The following SGMS1 variants were observed in gnomAD, a reference collection of about 807,000 sequenced individuals.
SGMS1 encodes sphingomyelin synthase 1.
SGMS1 carries 13 observed loss-of-function variants against 46.2 expected under a neutral mutation model. The ratio of observed to expected loss-of-function variants is 0.28; its 90% confidence interval spans 0.18 to 0.45. The LOEUF (loss-of-function observed/expected upper bound fraction) is 0.45. Ranked by LOEUF, SGMS1 falls within the 20% of genes least tolerant of loss-of-function variation. The pLI is 1.00. For synonymous variants in SGMS1, 203 were observed against 187.8 expected, an observed-to-expected ratio of 1.08 and a Z score of -0.66; for missense variants, 324 against 519.9, an observed-to-expected ratio of 0.62 and a Z score of 3.66.
intron 2 of SGMS1, among the ~76,000 whole-genome samples, chr10:50,585,367 T>G (rs1838474030): frequency 6.6e-6 from 1 of 152,204 alleles, no homozygotes; most frequent in South Asian, 2.1e-4. Context: ...AATTAGGACA[T>G]TTAAAACTAC....
intron 1 of SGMS1, among the ~76,000 whole-genome samples, chr10:50,607,488 T>C (rs928056422): frequency 1.8e-4 from 27 of 152,214 alleles, no homozygotes; most frequent in African/African-American, 6.3e-4. Context: ...ATATTGAAAT[T>C]AGTGTGCAGG....
intron 6 of SGMS1, among the ~76,000 whole-genome samples, chr10:50,403,270 G>A (rs1362096450): frequency 2.0e-5 from 3 of 152,116 alleles, no homozygotes; most frequent in African/African-American, 7.2e-5. Flanking sequence ...ACTAACAGTT[G>A]GCACAAGTAC....
chr10:50,624,912 C>T (rs1838907064), upstream of SGMS1: 4 of 1,007,072 alleles, frequency 4.0e-6, no homozygotes, highest in South Asian at 3.5e-5. Context: ...GCTACGGGCC[C>T]GGCGTACCAC....
chr10:50,378,189 T>C (rs543000157), intron 6 of SGMS1, among the ~76,000 whole-genome samples: 1 of 152,354 alleles, frequency 6.6e-6, no homozygotes, highest in South Asian at 2.1e-4. Flanking sequence ...CTAGCCTGTT[T>C]CCTGGAAAAG....
intron 1 of SGMS1, among the ~76,000 whole-genome samples, chr10:50,613,761 G>A (rs369247384): frequency 1.3e-5 from 2 of 152,078 alleles, no homozygotes; most frequent in African/African-American, 4.8e-5. Context: ...AAAGGTTTTC[G>A]TCCCGAGGTT....
intron 2 of SGMS1, among the ~76,000 whole-genome samples, chr10:50,545,622 G>A (rs1199389371): frequency 1.3e-5 from 2 of 152,158 alleles, no homozygotes; most frequent in South Asian, 2.1e-4. Context: ...TTTTTTAGTC[G>A]AGACAGGGTT....
intron 3 of SGMS1, among the ~76,000 whole-genome samples, chr10:50,517,386 A>C (rs1837815515): frequency 6.6e-6 from 1 of 152,242 alleles, no homozygotes; most frequent in South Asian, 2.1e-4. Flanking sequence ...TTTAAAAAAC[A>C]TACCCATTTG....
At chr10:50,600,159 A>C (rs1382505374) in intron 1 of SGMS1, among the ~76,000 whole-genome samples, 1 of 152,244 alleles carries the variant, frequency 6.6e-6, no homozygotes, top group African/African-American at 2.4e-5. Context: ...ACACAGAGTA[A>C]ACTTTTCAAA....
chr10:50,576,458 G>T (rs1838386104), intron 2 of SGMS1, among the ~76,000 whole-genome samples: 1 of 152,170 alleles, frequency 6.6e-6, no homozygotes, highest in Admixed American at 6.5e-5. Context: ...GCCCCTTTTG[G>T]CAGAATAGCC....
intron 3 of SGMS1, among the ~76,000 whole-genome samples, chr10:50,478,494 T>C (rs546385727): frequency 4.6e-5 from 7 of 152,300 alleles, no homozygotes; most frequent in African/African-American, 1.7e-4. Flanking sequence ...AAAGGACATA[T>C]TGTAGACATT....
At chr10:50,565,925 T>C (rs1167306132) in intron 2 of SGMS1, among the ~76,000 whole-genome samples, 2 of 152,242 alleles carry the variant, frequency 1.3e-5, no homozygotes, top group Non-Finnish European at 2.9e-5. Flanking sequence ...AATATGGAGA[T>C]AACCACACTT....
intron 1 of SGMS1, among the ~76,000 whole-genome samples, chr10:50,605,981 C>T (rs980905921): frequency 2.6e-5 from 4 of 152,072 alleles, no homozygotes; most frequent in Admixed American, 6.6e-5. Flanking sequence ...TAAGAGACAC[C>T]TTATTTTCTT....
At chr10:50,538,899 CATGAA>C (rs1838027845) in intron 2 of SGMS1, among the ~76,000 whole-genome samples, 2 of 152,198 alleles carry the variant, frequency 1.3e-5, no homozygotes, top group South Asian at 4.1e-4. Context: ...TAAAGTCTGC[CATGAA>C]ATGCCTTCTC....
intron 6 of SGMS1, among the ~76,000 whole-genome samples, chr10:50,431,178 A>G (rs1432916258): frequency 6.6e-6 from 1 of 152,212 alleles, no homozygotes; most frequent in East Asian, 1.9e-4. Flanking sequence ...TTATTTCATA[A>G]TCCAAAGGCA....
intron 3 of SGMS1, among the ~76,000 whole-genome samples, chr10:50,515,338 G>A (rs1837791681): frequency 6.6e-6 from 1 of 152,186 alleles, no homozygotes; most frequent in African/African-American, 2.4e-5. Context: ...CTCTTGGGCT[G>A]TGTCTCTGCA....
At chr10:50,499,566 T>C (rs1451403602) in intron 3 of SGMS1, among the ~76,000 whole-genome samples, 6 of 152,364 alleles carry the variant, frequency 3.9e-5, no homozygotes, top group Non-Finnish European at 5.9e-5. Context: ...GTAGACAAGA[T>C]AGTATTTTCT....
chr10:50,603,214 G>C (rs1346866406), intron 1 of SGMS1, among the ~76,000 whole-genome samples: 1 of 152,152 alleles, frequency 6.6e-6, no homozygotes, highest in African/African-American at 2.4e-5. Context: ...AAACCTGTAG[G>C]ATGAGCTTTT....
intron 7 of SGMS1, among the ~76,000 whole-genome samples, chr10:50,339,864 C>T (rs779206678): frequency 6.6e-6 from 1 of 152,110 alleles, no homozygotes; most frequent in Non-Finnish European, 1.5e-5. Context: ...AGTGGAGTAG[C>T]TAGAGATAAG....
intron 1 of SGMS1, among the ~76,000 whole-genome samples, chr10:50,614,475 A>G (rs1838778861): frequency 6.6e-6 from 1 of 152,212 alleles, no homozygotes; most frequent in Admixed American, 6.5e-5. Context: ...TGACATGGGC[A>G]CTGCTGATGG....
Sources: allele counts gnomAD v4.1 joint callset (sites outside exome capture counted in the v4.1 genomes callset), GRCh38; gene constraint gnomAD v4.1.1; transcripts MANE v1.5; gene names NCBI Gene and HGNC (gene_info 2026-07-23, HGNC 2026-07-21).